Variants in KIAA1217 observed in about 807,000 individuals in gnomAD.
KIAA1217 encodes sickle tail protein homolog.
Under a neutral mutation model 163.9 loss-of-function variants are expected in KIAA1217, and 88 were observed. The observed-to-expected ratio is 0.54, with a 90% CI of 0.45 to 0.64. The LOEUF (loss-of-function observed/expected upper bound fraction) is 0.64, where lower values mean the gene tolerates loss of function less well. Among genes scored for constraint, KIAA1217 ranks in the 30% least tolerant of loss-of-function variants. The pLI, the probability that KIAA1217 is intolerant of heterozygous loss-of-function variation, is 0.00. For synonymous variants in KIAA1217, 903 were observed against 923.1 expected, an observed-to-expected ratio of 0.98 and a Z score of 0.39; for missense variants, 2,372 against 2,475.0, an observed-to-expected ratio of 0.96 and a Z score of 0.88.
chr10:24,042,014 T>A (rs1848655341), intron 2 of KIAA1217: 1 of 152,062 alleles, frequency 6.6e-6, no homozygotes, highest in African/African-American at 2.4e-5. Flanking sequence ...ATTGGAGCAT[T>A]TACCATTGCA....
At chr10:24,370,454 C>T (rs12260940) in intron 2 of KIAA1217, among the ~76,000 whole-genome samples, 3,662 of 152,102 alleles carry the variant, frequency 0.024, 168 homozygotes, top group African/African-American at 0.084. Context: ...CTTATTAATC[C>T]TTCAGGAAGC....
intron 1 of KIAA1217, among the ~76,000 whole-genome samples, chr10:23,796,980 A>G (rs145738631): frequency 6.6e-6 from 1 of 152,096 alleles, no homozygotes; most frequent in Admixed American, 6.6e-5. Flanking sequence ...AGCCAACCCA[A>G]GTAGCTGTGA....
intron 1 of KIAA1217, among the ~76,000 whole-genome samples, chr10:23,716,379 T>C (rs1837570486): frequency 6.6e-6 from 1 of 152,194 alleles, no homozygotes; most frequent in African/African-American, 2.4e-5. Context: ...CTCATCAGCA[T>C]AGTTTGTGTG....
intron 2 of KIAA1217, among the ~76,000 whole-genome samples, chr10:24,035,523 C>G (rs757808678): frequency 6.6e-6 from 1 of 152,208 alleles, no homozygotes; most frequent in South Asian, 2.1e-4. Context: ...TGCTGATACA[C>G]TGGGAAGAGA....
intron 2 of KIAA1217, among the ~76,000 whole-genome samples, chr10:24,035,638 T>A (rs915327106): frequency 6.6e-6 from 1 of 152,072 alleles, no homozygotes; most frequent in Non-Finnish European, 1.5e-5. Flanking sequence ...GGTGGTCACG[T>A]GAGGTTCTTC....
chr10:23,996,378 C>T (rs1001712994), intron 1 of KIAA1217, among the ~76,000 whole-genome samples: 1 of 152,118 alleles, frequency 6.6e-6, no homozygotes, highest in African/African-American at 2.4e-5. Context: ...AGGAAGGAGA[C>T]AATTTCTCCA....
chr10:24,214,499 G>A (rs1231675245), intron 1 of KIAA1217, among the ~76,000 whole-genome samples: 1 of 152,078 alleles, frequency 6.6e-6, no homozygotes, highest in Non-Finnish European at 1.5e-5. Context: ...GAGGTCTAGG[G>A]GCCCCAACAA....
intron 1 of KIAA1217, among the ~76,000 whole-genome samples, chr10:23,858,745 C>T (rs1839820793): frequency 6.6e-6 from 1 of 152,262 alleles, no homozygotes; most frequent in South Asian, 2.1e-4. Context: ...GGTCCTTTTA[C>T]AGTTGCCTCA....
chr10:23,788,973 T>C (rs1835615368), intron 1 of KIAA1217, among the ~76,000 whole-genome samples: 1 of 152,230 alleles, frequency 6.6e-6, no homozygotes, highest in African/African-American at 2.4e-5. Context: ...CAATTTTTGA[T>C]ATATTTCTTT....
intron 1 of KIAA1217, among the ~76,000 whole-genome samples, chr10:23,860,499 T>C (rs934989241): frequency 6.6e-6 from 1 of 152,204 alleles, no homozygotes; most frequent in Non-Finnish European, 1.5e-5. Flanking sequence ...ATGAAATGTT[T>C]ACATGTCAGA....
intron 2 of KIAA1217, among the ~76,000 whole-genome samples, chr10:24,099,023 G>A (rs1335004309): frequency 6.6e-6 from 1 of 151,966 alleles, no homozygotes; most frequent in Non-Finnish European, 1.5e-5. Context: ...CTAAACCACT[G>A]TAGAAAAAAC....
intron 1 of KIAA1217, among the ~76,000 whole-genome samples, chr10:23,752,413 A>AT (rs1338145337): frequency 1.3e-5 from 2 of 152,186 alleles, no homozygotes; most frequent in Non-Finnish European, 2.9e-5. Flanking sequence ...GAGTAGGCTG[A>AT]TTTTATTGCT....
At chr10:24,164,607 T>C (rs1376122277) in intron 2 of KIAA1217, among the ~76,000 whole-genome samples, 3 of 152,194 alleles carry the variant, frequency 2.0e-5, no homozygotes, top group Non-Finnish European at 4.4e-5. Context: ...TTGATGGATG[T>C]GAGTTTCAGG....
At chr10:24,427,161 G>A (rs558813649) in intron 3 of KIAA1217, among the ~76,000 whole-genome samples, 2 of 151,956 alleles carry the variant, frequency 1.3e-5, no homozygotes, top group African/African-American at 2.4e-5. Flanking sequence ...GGTTCATATC[G>A]ACACTCACTC....
chr10:24,348,433 A>G (rs776147182), intron 2 of KIAA1217, among the ~76,000 whole-genome samples: 1 of 152,232 alleles, frequency 6.6e-6, no homozygotes, highest in Non-Finnish European at 1.5e-5. Flanking sequence ...ATACTCACAT[A>G]ATACAACTAT....
chr10:24,003,369 T>C (rs759728600), intron 1 of KIAA1217, among the ~76,000 whole-genome samples: 1 of 152,168 alleles, frequency 6.6e-6, no homozygotes, highest in Non-Finnish European at 1.5e-5. Context: ...AGGAGTAAGG[T>C]GGTATCTCAT....
intron 1 of KIAA1217, among the ~76,000 whole-genome samples, chr10:23,990,095 T>A (rs371790183): frequency 6.6e-6 from 1 of 152,214 alleles, no homozygotes; most frequent in African/African-American, 2.4e-5. Context: ...TTTTATGGTA[T>A]CATATTTGAT....
intron 2 of KIAA1217, among the ~76,000 whole-genome samples, chr10:24,050,922 C>CT (rs1238182037): frequency 2.0e-5 from 3 of 151,780 alleles, no homozygotes; most frequent in South Asian, 2.1e-4. Context: ...AACATGGTTT[C>CT]TTTTTTTTAT....
chr10:24,521,013 A>G (rs2134567972), intron 11 of KIAA1217, among the ~76,000 whole-genome samples: 1 of 149,490 alleles, frequency 6.7e-6, no homozygotes, highest in African/African-American at 2.5e-5. Context: ...GAAACATAAC[A>G]AAACCCCATC....
Sources: allele counts gnomAD v4.1 joint callset (sites outside exome capture counted in the v4.1 genomes callset), GRCh38; gene constraint gnomAD v4.1.1; transcripts MANE v1.5; gene names NCBI Gene and HGNC (gene_info 2026-07-23, HGNC 2026-07-21).